Variants in MTMR8 observed in about 807,000 individuals in gnomAD.
MTMR8 encodes the protein myotubularin related protein 8.
In MTMR8, 65 loss-of-function variants were observed where a neutral mutation model predicts 39.3. The observed-to-expected ratio is 1.65, with a 90% CI of 1.35 to 2.03. The LOEUF is 2.03. MTMR8 is among the 30% of genes most tolerant of loss of function. MTMR8 has a pLI of 0.00. For missense variants in MTMR8, 777 were observed against 538.9 expected (o/e 1.44, Z -4.37); for synonymous variants, 245 against 185.2 (o/e 1.32, Z -2.62).
intron 12 of MTMR8, among the ~76,000 whole-genome samples, chrX:64,289,082 T>A (rs1350879592): frequency 9.1e-6 from 1 of 109,659 alleles, no homozygotes; most frequent in East Asian, 2.8e-4. Context: ...ACAACAACAA[T>A]GAAAAACAAT....
chrX:64,353,147 C>T (rs1923528722), intron 4 of MTMR8, among the ~76,000 whole-genome samples: 1 of 111,792 alleles, frequency 8.9e-6, no homozygotes, highest in South Asian at 3.7e-4. Flanking sequence ...ACTGGATGTC[C>T]ATATGCAAAG....
chrX:64,288,642 G>A (rs1441563504), intron 12 of MTMR8, among the ~76,000 whole-genome samples: 2 of 111,980 alleles, frequency 1.8e-5, no homozygotes, highest in African/African-American at 6.5e-5. Context: ...TGATAGATTG[G>A]ATTTAGAAAA....
chrX:64,342,345 G>T (rs1221192752), intron 8 of MTMR8, among the ~76,000 whole-genome samples: 5 of 112,297 alleles, frequency 4.5e-5, no homozygotes, highest in Non-Finnish European at 7.5e-5. Context: ...AGGAGAAGAG[G>T]TAGAGTTCAA....
rs775226219 is a variant in MTMR8 at position 64,356,057 on chromosome X, C to G, written c.310+119G>C. 24 of 669,057 alleles carry G rather than the reference C, an allele frequency of 3.6e-5. No homozygotes were observed. The East Asian group carries it at 7.5e-4, about 21-fold the overall frequency. The allele number at this position is 669,057 out of a possible 1,213,427, so 55.1% of individuals were successfully genotyped here. ...TATAACTTGCCCAAATATAATGGAG[C>G]TAATAAGTGGTACAGCCCAGATCCA... On this transcript the variant is annotated intron_variant, in intron 3 of 13. Coordinates refer to ENST00000374852, the MANE Select transcript of MTMR8 (RefSeq NM_017677.4).
chrX:64,375,416 A>G (rs1924243653), intron 1 of MTMR8, among the ~76,000 whole-genome samples: 1 of 111,682 alleles, frequency 9.0e-6, no homozygotes, highest in Admixed American at 9.5e-5. Context: ...AATCAAAATA[A>G]GTTGAAGTAC....
chrX:64,294,541 G>C (rs777268784), intron 12 of MTMR8, among the ~76,000 whole-genome samples: 4 of 111,932 alleles, frequency 3.6e-5, no homozygotes, highest in African/African-American at 1.3e-4. Context: ...ACTTCAATGA[G>C]AGGGGATGGT....
intron 12 of MTMR8, among the ~76,000 whole-genome samples, chrX:64,272,508 AT>A (rs1931784243): frequency 1.8e-5 from 2 of 111,743 alleles, no homozygotes; most frequent in Admixed American, 9.5e-5. Flanking sequence ...GAATAAAAAA[AT>A]AAAATAGCTT....
intron 2 of MTMR8, among the ~76,000 whole-genome samples, chrX:64,357,453 C>G (rs1923655875): frequency 9.0e-6 from 1 of 111,354 alleles, no homozygotes. Flanking sequence ...AAGGCAGGGT[C>G]TCGCTCTGTT....
At chrX:64,372,142 A>G (rs770963413) in intron 1 of MTMR8, among the ~76,000 whole-genome samples, 25 of 105,947 alleles carry the variant, frequency 2.4e-4, no homozygotes, top group Non-Finnish European at 4.2e-4. Context: ...CTTTTTTATT[A>G]TTAAATAATT....
intron 13 of MTMR8, 37 bp downstream of exon 13, chrX:64,270,910 G>A (rs759742367): frequency 1.7e-6 from 2 of 1,194,520 alleles, no homozygotes; most frequent in African/African-American, 3.5e-5. Flanking sequence ...TACCCAGAAG[G>A]GGCAAGAAGA....
At chrX:64,276,437 C>G (rs994226574) in intron 12 of MTMR8, among the ~76,000 whole-genome samples, 1 of 111,238 alleles carries the variant, frequency 9.0e-6, no homozygotes, top group Non-Finnish European at 1.9e-5. Flanking sequence ...TATAAATTTC[C>G]CTCTAAACGC....
chrX:64,331,179 G>T (rs1922929378), intron 11 of MTMR8, among the ~76,000 whole-genome samples: 1 of 111,734 alleles, frequency 8.9e-6, no homozygotes, highest in South Asian at 3.7e-4. Context: ...AACAAACCAC[G>T]CCTGTTGGGT....
intron 12 of MTMR8, among the ~76,000 whole-genome samples, chrX:64,293,303 T>C (rs979765542): frequency 1.8e-5 from 2 of 111,423 alleles, no homozygotes; most frequent in Admixed American, 9.6e-5. Context: ...ATTCTATGAC[T>C]ATAACCCCTT....
At chrX:64,358,303 T>C (rs1308717730) in intron 2 of MTMR8, among the ~76,000 whole-genome samples, 1 of 111,652 alleles carries the variant, frequency 9.0e-6, no homozygotes, top group Non-Finnish European at 1.9e-5. Context: ...TTTGACATTC[T>C]TATCACAGCA....
intron 12 of MTMR8, among the ~76,000 whole-genome samples, chrX:64,280,564 A>T (rs1038007323): frequency 8.9e-6 from 1 of 111,747 alleles, no homozygotes; most frequent in African/African-American, 3.3e-5. Context: ...AATAGGAGTT[A>T]TTTATGACAA....
At chrX:64,365,635 A>G (rs1289313672) in intron 1 of MTMR8, among the ~76,000 whole-genome samples, 1 of 111,807 alleles carries the variant, frequency 8.9e-6, no homozygotes, top group Non-Finnish European at 1.9e-5. Flanking sequence ...AGGAACAACC[A>G]TTACCAGCCA....
chrX:64,271,161 G>C, intron 12 of MTMR8, 88 bp from the exon 13 acceptor site: 1 of 956,319 alleles, frequency 1.0e-6, no homozygotes, highest in Non-Finnish European at 1.4e-6. Context: ...AGAAAATATT[G>C]GCTTAGTAGG....
intron 1 of MTMR8, among the ~76,000 whole-genome samples, chrX:64,386,357 C>A (rs920970236): frequency 9.0e-6 from 1 of 111,521 alleles, no homozygotes; most frequent in African/African-American, 3.3e-5. Context: ...CTACAAGGGG[C>A]CAGCTATAGA....
At chrX:64,390,681 T>C (rs975772297) in intron 1 of MTMR8, among the ~76,000 whole-genome samples, 2 of 111,101 alleles carry the variant, frequency 1.8e-5, no homozygotes, top group African/African-American at 6.5e-5. Context: ...AAACAGGATG[T>C]CACTCTGTCG....
Sources: gnomAD v4.1 joint callset for allele counts (sites outside exome capture counted in the v4.1 genomes callset) on GRCh38, gnomAD v4.1.1 for gene constraint, MANE v1.5 for transcripts, NCBI Gene and HGNC (gene_info 2026-07-23, HGNC 2026-07-21) for gene names.